RAP1A: variants seen among roughly 807,000 people sequenced by gnomAD.
RAP1A encodes the protein RAP1A, member of RAS oncogene family.
Under a neutral mutation model 26.4 loss-of-function variants are expected in RAP1A, and 6 were observed. The observed-to-expected ratio is 0.23, with a 90% CI of 0.12 to 0.45. RAP1A has a LOEUF of 0.45. Among genes scored for constraint, RAP1A ranks in the 20% least tolerant of loss-of-function variants. The pLI, the probability that RAP1A is intolerant of heterozygous loss-of-function variation, is 0.99. For missense variants in RAP1A, 121 were observed against 217.2 expected (o/e 0.56, Z 2.78); for synonymous variants, 73 against 79.4 (o/e 0.92, Z 0.43).
chr1:111,581,799 CT>C (rs1244795395), intron 1 of RAP1A, among the ~76,000 whole-genome samples: 1 of 152,150 alleles, frequency 6.6e-6, no homozygotes, highest in Non-Finnish European at 1.5e-5. Flanking sequence ...TCAGGGAAGC[CT>C]TGGAAGATGG....
At chr1:111,685,094 C>T (rs574297871) in intron 1 of RAP1A, among the ~76,000 whole-genome samples, 10 of 152,096 alleles carry the variant, frequency 6.6e-5, no homozygotes, top group Non-Finnish European at 1.2e-4. Context: ...AAACTGGACT[C>T]ATTCCTTACA....
intron 1 of RAP1A, among the ~76,000 whole-genome samples, chr1:111,641,574 GT>G (rs925094079): frequency 6.6e-6 from 1 of 152,082 alleles, no homozygotes; most frequent in East Asian, 1.9e-4. Flanking sequence ...GAAAGCAATG[GT>G]TGAATCCAAG....
chr1:111,581,542 A>G (rs541041975), intron 1 of RAP1A, among the ~76,000 whole-genome samples: 184 of 152,246 alleles, frequency 1.2e-3, no homozygotes, highest in Non-Finnish European at 2.2e-3. Flanking sequence ...CTAAAGGAAG[A>G]AAAAACAGAC....
At chr1:111,671,665 G>A (rs1028466423) in intron 1 of RAP1A, among the ~76,000 whole-genome samples, 5 of 152,134 alleles carry the variant, frequency 3.3e-5, no homozygotes, top group African/African-American at 1.2e-4. Context: ...AGTAGAGACA[G>A]GGTTCACCAT....
chr1:111,665,733 A>G (rs1660781383), intron 1 of RAP1A, among the ~76,000 whole-genome samples: 1 of 152,198 alleles, frequency 6.6e-6, no homozygotes, highest in Non-Finnish European at 1.5e-5. Context: ...ATCCAAGAGC[A>G]CATGTAGTTC....
At chr1:111,705,513 T>A (rs1445339324) in intron 6 of RAP1A, among the ~76,000 whole-genome samples, 2 of 152,238 alleles carry the variant, frequency 1.3e-5, no homozygotes, top group African/African-American at 4.8e-5. Flanking sequence ...TCAACTTCTG[T>A]ATTTTACAGA....
intron 1 of RAP1A, among the ~76,000 whole-genome samples, chr1:111,653,152 A>T (rs923364861): frequency 6.6e-6 from 1 of 152,238 alleles, no homozygotes; most frequent in Non-Finnish European, 1.5e-5. Flanking sequence ...AAAGCCAGAC[A>T]CAAAAGGCCA....
rs79629628 is a variant in RAP1A at position 111,579,316 on chromosome 1, A to G, written c.-28+36807A>G. Among the ~76,000 whole-genome samples the G allele has an allele frequency of 1.0e-2, 1,522 of 152,334 alleles. 21 individuals carry two copies. The highest frequency in any genetic ancestry group is 0.013 in the Non-Finnish European group (912 of 68,028). ...AATGCTGGAGTTATTAAAGGAGCTC[A>G]TTATGAATAACAAAGATGTTCCTAT... On this transcript the variant is annotated intron_variant, in intron 1 of 7. Transcript: ENST00000356415.
chr1:111,647,425 A>G (rs571950055), intron 1 of RAP1A, among the ~76,000 whole-genome samples: 4 of 152,254 alleles, frequency 2.6e-5, no homozygotes, highest in African/African-American at 4.8e-5. Context: ...AATAAATGTA[A>G]TGCGTTTGAA....
chr1:111,679,756 G>GT (rs1363717307), intron 1 of RAP1A, among the ~76,000 whole-genome samples: 8 of 152,158 alleles, frequency 5.3e-5, no homozygotes, highest in Non-Finnish European at 7.4e-5. Flanking sequence ...TCAGTAAGCA[G>GT]TTTTCCCCTC....
intron 1 of RAP1A, among the ~76,000 whole-genome samples, chr1:111,653,191 T>C (rs981837041): frequency 1.1e-4 from 17 of 152,112 alleles, no homozygotes; most frequent in African/African-American, 4.1e-4. Context: ...CTATGTGAAA[T>C]GTATAGAAAA....
chr1:111,593,657 T>C (rs893193804), intron 1 of RAP1A, among the ~76,000 whole-genome samples: 1 of 141,412 alleles, frequency 7.1e-6, no homozygotes, highest in Non-Finnish European at 1.5e-5. Flanking sequence ...TCCTACTTTT[T>C]TTTTTTTTTT....
At chr1:111,686,239 C>T (rs1032808736) in intron 1 of RAP1A, among the ~76,000 whole-genome samples, 6 of 152,090 alleles carry the variant, frequency 3.9e-5, no homozygotes, top group African/African-American at 1.4e-4. Context: ...AAACCACGTT[C>T]TGCACATGTA....
At chr1:111,592,673 C>T (rs1370433127) in intron 1 of RAP1A, among the ~76,000 whole-genome samples, 1 of 152,134 alleles carries the variant, frequency 6.6e-6, no homozygotes, top group African/African-American at 2.4e-5. Flanking sequence ...GGGTATGTTT[C>T]CAGCTCTCTC....
At chr1:111,654,825 A>G (rs556935744) in intron 1 of RAP1A, among the ~76,000 whole-genome samples, 1 of 150,510 alleles carries the variant, frequency 6.6e-6, no homozygotes, top group Admixed American at 6.7e-5. Context: ...ATTTTATTAT[A>G]TGTTTATTTA....
At chr1:111,635,899 G>T (rs1325074039) in intron 1 of RAP1A, among the ~76,000 whole-genome samples, 2 of 152,060 alleles carry the variant, frequency 1.3e-5, no homozygotes, top group Non-Finnish European at 2.9e-5. Context: ...TGAAACTGAG[G>T]TAAAAGATCC....
chr1:111,666,433 C>T (rs1445144567), intron 1 of RAP1A, among the ~76,000 whole-genome samples: 1 of 152,038 alleles, frequency 6.6e-6, no homozygotes, highest in African/African-American at 2.4e-5. Flanking sequence ...AACAATCTGT[C>T]TTAGACTTTT....
chr1:111,625,604 C>T (rs892985124), intron 1 of RAP1A, among the ~76,000 whole-genome samples: 1 of 152,118 alleles, frequency 6.6e-6, no homozygotes, highest in African/African-American at 2.4e-5. Flanking sequence ...ATTAAGCAAG[C>T]AGGCACTAAG....
intron 1 of RAP1A, among the ~76,000 whole-genome samples, chr1:111,659,149 A>T (rs1240952329): frequency 6.6e-6 from 1 of 152,106 alleles, no homozygotes; most frequent in African/African-American, 2.4e-5. Flanking sequence ...CCCATGGAGG[A>T]TACATTTCAG....
Sources: allele counts gnomAD v4.1 joint callset (sites outside exome capture counted in the v4.1 genomes callset), GRCh38; gene constraint gnomAD v4.1.1; transcripts MANE v1.5; gene names NCBI Gene and HGNC (gene_info 2026-07-23, HGNC 2026-07-21).